The following SLC30A5 variants were observed in gnomAD, a reference collection of about 807,000 sequenced individuals.
SLC30A5 encodes solute carrier family 30 member 5, also known as proton-coupled zinc antiporter SLC30A5.
In SLC30A5, 33 loss-of-function variants were observed where a neutral mutation model predicts 79.6. The observed-to-expected ratio is 0.41, with a 90% CI of 0.31 to 0.55. The LOEUF is 0.55. Among genes scored for constraint, SLC30A5 ranks in the 20% least tolerant of loss-of-function variants. SLC30A5 has a pLI of 0.20. For synonymous variants in SLC30A5, 299 were observed against 319.7 expected, an observed-to-expected ratio of 0.94 and a Z score of 0.69; for missense variants, 788 against 928.1, an observed-to-expected ratio of 0.85 and a Z score of 1.96.
chr5:69,108,179 T>C (rs903792058), intron 4 of SLC30A5, among the ~76,000 whole-genome samples, 170 bp from the exon 5 acceptor site: 7 of 152,230 alleles, frequency 4.6e-5, no homozygotes, highest in Non-Finnish European at 1.0e-4. Flanking sequence ...CTTCAATCTT[T>C]CTAAGGTAGA....
At chr5:69,104,571 T>G in intron 3 of SLC30A5, 60 bp from the exon 4 acceptor site, 3 of 1,465,174 alleles carry the variant, frequency 2.0e-6, no homozygotes, top group Non-Finnish European at 2.7e-6. Flanking sequence ...TATTTAAAAT[T>G]TGGATATATA....
chr5:69,116,310 T>G lies in SLC30A5; in HGVS notation c.1073-84T>G. ...TTATTTTGGGAAATTCTTCAGTGCT[T>G]GCATTTAGTGCCGACAGTTACTGTG... On this transcript the variant is annotated intron_variant, in intron 9 of 15. Transcript: ENST00000396591. This position sits in a 1 kb window ranked among gnomAD's most constrained non-coding sequence, Gnocchi z 4.0. 1 of 1,492,698 alleles carries G rather than the reference T, an allele frequency of 6.7e-7. No homozygotes were observed. Among genetic ancestry groups the G allele is most frequent in the African/African-American group, 1.4e-5 (1 of 71,202 alleles). 92.5% of individuals were successfully genotyped at this position (1,492,698 alleles called of 1,614,324 possible). A position where few individuals can be genotyped will look rare whatever the true frequency, so the allele number is the denominator to read the frequency against.
Position 69,115,419 on chromosome 5 carries a change from G to GC in SLC30A5, c.783+13dup. 1 of 1,599,184 alleles carries GC rather than the reference G, an allele frequency of 6.3e-7. No homozygotes were observed. Among genetic ancestry groups the GC allele is most frequent in the Non-Finnish European group, 8.5e-7 (1 of 1,170,270 alleles). On this transcript the variant is annotated intron_variant, in intron 8 of 15. Transcript: ENST00000396591. ...CTGTGACAACTGAGGTAAGATAAGA[G>GC]CAAGAATTTATTGGTATTAAATTGC...
At chr5:69,123,100 G>A (rs1340689673) in intron 13 of SLC30A5, 99 bp from the exon 14 acceptor site, 1 of 741,308 alleles carries the variant, frequency 1.3e-6, no homozygotes, top group African/African-American at 1.8e-5. Flanking sequence ...AGCAGAGTAT[G>A]TGGTGCACAG....
rs778702683 is a variant in SLC30A5 at position 69,123,257 on chromosome 5, A to G, written c.1830A>G (p.Thr610=). Residue 610 remains threonine, a synonymous_variant, in exon 14 of 16, where the codon ACA becomes ACG. Transcript: ENST00000396591. Reference sequence around the variant, plus strand: ...GCAGCATTGGTGTGATCGTATCCACAGTTCTTATAGAGCAGTTTGGATGGT... The same window carrying G: ...GCAGCATTGGTGTGATCGTATCCACGGTTCTTATAGAGCAGTTTGGATGGT... The part of the protein sequence containing the change: ...TLGSIGVIVS[T]VLIEQFGWFI... 1.1e-5 allele frequency: 17 copies of G among 1,613,980 alleles called. No individual in the cohort carries two copies. The highest frequency in any genetic ancestry group is 5.5e-5 in the South Asian group (5 of 91,056).
In SLC30A5 at chr5:69,104,650, A is replaced by C; in HGVS notation, c.293A>C (p.His98Pro). The C allele has an allele frequency of 6.5e-7, 1 of 1,540,708 alleles. No homozygotes were observed. Among genetic ancestry groups the C allele is most frequent in the Non-Finnish European group, 8.7e-7 (1 of 1,144,454 alleles). ...TKHQWIKIFK[H>P]AVAGCIISLL... is the part of the protein sequence containing the mutation. ...TTATAGTGGATCAAAATATTTAAAC[A>C]TGCAGTTGCTGGGTGTATTATTTCA... The change falls in exon 4 of 16, where the codon CAT (histidine) becomes CCT (proline). Residue 98 changes from histidine to proline, a missense_variant. By Grantham distance (77) the His-to-Pro change is moderately conservative. Transcript: ENST00000396591.
At chr5:69,111,119 G>A (rs1167054194) in intron 5 of SLC30A5, among the ~76,000 whole-genome samples, 1 of 151,112 alleles carries the variant, frequency 6.6e-6, no homozygotes, top group Non-Finnish European at 1.5e-5. Context: ...TCAGCCTCCC[G>A]AGTAGCTGAG....
chr5:69,128,186 G>T, intron 15 of SLC30A5, 54 bp downstream of exon 15: 2 of 1,359,680 alleles, frequency 1.5e-6, no homozygotes, highest in Non-Finnish European at 1.0e-6. Context: ...ACCCAAAATT[G>T]TACACCTCAT....
At position 69,094,288 on chromosome 5, in the gene SLC30A5, C is replaced by T. The variant is rs1745652317; in HGVS notation, c.33C>T (p.Ala11=). The change falls in exon 1 of 16, where the codon GCC becomes GCT. Residue 11 remains alanine (A), a synonymous_variant. Transcript: ENST00000396591. ...AGAAATACGGCGGGGACGTGCTGGC[C>T]GGCCCCGGCGGCGGCGGCGGCCTTG... MEEKYGGDVL[A]GPGGGGGLGP... 7.9e-7 allele frequency: 1 copy of T among 1,261,684 alleles called. No homozygotes were observed. The highest frequency in any genetic ancestry group is 3.5e-5 in the South Asian group (1 of 28,318). The allele number at this position is 1,261,684 out of a possible 1,614,324, so 78.2% of individuals were successfully genotyped here. A position where few individuals can be genotyped will look rare whatever the true frequency, so the allele number is the denominator to read the frequency against.
chr5:69,098,763 G>A (rs1219876216), intron 1 of SLC30A5, among the ~76,000 whole-genome samples: 1 of 152,202 alleles, frequency 6.6e-6, no homozygotes, highest in Non-Finnish European at 1.5e-5. Context: ...TTCTTAGTTT[G>A]TAGGACTGTT....
intron 1 of SLC30A5, among the ~76,000 whole-genome samples, chr5:69,095,223 C>T (rs1745689112): frequency 1.4e-5 from 1 of 71,544 alleles, no homozygotes; most frequent in African/African-American, 6.8e-5. Context: ...TTTTTTGAGA[C>T]GGAGTTTCGC....
chr5:69,114,441 C>T lies in SLC30A5; in HGVS notation c.557C>T (p.Ala186Val). ...TTAGCTGAAGGACATCATGACAGTG[C>T]TCTAACTCATATGCTTTACACAGCC... ...AEHPEGHHDS[A>V]LTHMLYTAIA... Residue 186 changes from alanine (A) to valine (V), a missense_variant, in exon 7 of 16, where the codon GCT (alanine) becomes GTT (valine). Ala to Val is a moderately conservative substitution (Grantham distance 64). Transcript: ENST00000396591. The T allele has an allele frequency of 1.9e-6, 3 of 1,609,996 alleles. No individual in the cohort carries two copies. The highest frequency in any genetic ancestry group is 2.5e-6 in the Non-Finnish European group (3 of 1,176,690).
Position 69,111,961 on chromosome 5 carries a change from T to C in SLC30A5, c.448-1179T>C, listed in dbSNP as rs1398659463. Among the ~76,000 whole-genome samples the C allele has an allele frequency of 3.9e-5, 6 of 152,212 alleles. No homozygotes were observed. In the East Asian group the frequency reaches 9.6e-4, roughly 24 times the overall value. On this transcript the variant is annotated intron_variant, in intron 5 of 15. Coordinates refer to ENST00000396591, the MANE Select transcript of SLC30A5 (RefSeq NM_022902.5). The stretch of plus-strand genomic sequence containing the variant: ...AGGTATTCTACAAGTATATGTATCA[T>C]ACAAGACATGTTATACCTGTAAATT...
chr5:69,113,096 A>G lies in SLC30A5; in HGVS notation c.448-44A>G, dbSNP rs142388071. Reference sequence around the variant, plus strand: ...TATGTAGTTACGGTCTTAAAAATCAACCCTTGAAAAAGTCATCCTTGATGT... The same window carrying G: ...TATGTAGTTACGGTCTTAAAAATCAGCCCTTGAAAAAGTCATCCTTGATGT... On this transcript the variant is annotated intron_variant, in intron 5 of 15. Coordinates refer to ENST00000396591, the MANE Select transcript of SLC30A5 (RefSeq NM_022902.5). 1,520 of 1,497,058 alleles carry G rather than the reference A, an allele frequency of 1.0e-3. 10 individuals carry two copies. In the African/African-American group the frequency reaches 0.015, roughly 15 times the overall value. The allele number at this position is 1,497,058 out of a possible 1,614,324, so 92.7% of individuals were successfully genotyped here.
In SLC30A5 at chr5:69,128,103, G is replaced by A; in HGVS notation, c.2098G>A (p.Asp700Asn). ...AACAATTCATATACAGGTGACATCT[G>A]ATGTGCTAGAACAAAGAATAGTACA... ...AGTIHIQVTS[D>N]VLEQRIVQQV... Residue 700 changes from aspartate (D) to asparagine (N), a missense_variant, in exon 15 of 16, where the codon GAT becomes AAT. Asp to Asn is a conservative substitution (Grantham distance 23, BLOSUM62 1). Around this residue, in one of 3 missense-constraint regions of SLC30A5, gnomAD observed 158 missense variants for 156.2 expected, o/e 1.01. Transcript: ENST00000396591. The A allele has an allele frequency of 6.2e-7, 1 of 1,612,018 alleles. No homozygotes were observed. Among genetic ancestry groups the A allele is most frequent in the Non-Finnish European group, 8.5e-7 (1 of 1,178,960 alleles).
chr5:69,106,852 G>A (rs1190540985), intron 4 of SLC30A5, among the ~76,000 whole-genome samples: 2 of 150,862 alleles, frequency 1.3e-5, no homozygotes, highest in African/African-American at 2.4e-5. Flanking sequence ...CTTTTTTTCT[G>A]TTTTTAATTT....
chr5:69,097,276 G>T (rs566199721), intron 1 of SLC30A5, among the ~76,000 whole-genome samples: 42 of 151,788 alleles, frequency 2.8e-4, no homozygotes, highest in African/African-American at 9.7e-4. Context: ...CCACCGCGCC[G>T]GGCTAATTTT....
At chr5:69,122,381 C>G (rs1232083850) in intron 13 of SLC30A5, among the ~76,000 whole-genome samples, 4 of 152,120 alleles carry the variant, frequency 2.6e-5, no homozygotes, top group Admixed American at 2.6e-4. Context: ...AGGCTGGGAA[C>G]AGTGGCTCAC....
At chr5:69,122,036 A>G (rs1746549956) in intron 13 of SLC30A5, 141 bp downstream of exon 13, 2 of 626,990 alleles carry the variant, frequency 3.2e-6, no homozygotes, top group Admixed American at 3.2e-5. Flanking sequence ...GTCTGAAGCT[A>G]TCACTATAGA....
Sources: gnomAD v4.1 joint callset for allele counts (sites outside exome capture counted in the v4.1 genomes callset) on GRCh38, gnomAD v4.1.1 for gene constraint, gnomAD v4.1.1 regional missense constraint, Gnocchi (gnomAD v3.1) non-coding constraint, MANE v1.5 for transcripts, NCBI Gene and HGNC (gene_info 2026-07-23, HGNC 2026-07-21) for gene names.